The following FARP2 variants were observed in gnomAD, a reference collection of about 807,000 sequenced individuals.
FARP2 encodes the protein FERM, ARHGEF and pleckstrin domain-containing protein 2.
A neutral mutation model predicts 130.5 loss-of-function variants in FARP2; 111 were observed. That is an observed-to-expected ratio of 0.85 (90% CI 0.73 to 1.00). The LOEUF (loss-of-function observed/expected upper bound fraction) is 1.00, where lower values mean the gene tolerates loss of function less well. Ranked by LOEUF, FARP2 falls within the 50% of genes least tolerant of loss-of-function variation. The pLI is 0.00. For synonymous variants in FARP2, 504 were observed against 516.9 expected, an observed-to-expected ratio of 0.98 and a Z score of 0.34; for missense variants, 1,385 against 1,346.3, an observed-to-expected ratio of 1.03 and a Z score of -0.45.
At chr2:241,422,147 A>C (rs2062824173) in intron 8 of FARP2, among the ~76,000 whole-genome samples, 1 of 149,332 alleles carries the variant, frequency 6.7e-6, no homozygotes, top group Non-Finnish European at 1.5e-5. Context: ...TGTCTCAAAA[A>C]ACAAACACCT....
intron 21 of FARP2, chr2:241,488,617 G>A (rs1317117289): frequency 6.6e-6 from 1 of 151,966 alleles, no homozygotes; most frequent in Non-Finnish European, 1.5e-5. Flanking sequence ...AGCCAGGATG[G>A]TCTCGATCTC....
intron 12 of FARP2, among the ~76,000 whole-genome samples, chr2:241,439,598 G>T (rs1030102676): frequency 6.6e-6 from 1 of 152,042 alleles, no homozygotes; most frequent in African/African-American, 2.4e-5. Context: ...CAAAGTGCTG[G>T]GATTACAGGC....
chr2:241,453,846 C>T (rs528290184), intron 13 of FARP2, among the ~76,000 whole-genome samples: 44 of 118,948 alleles, frequency 3.7e-4, no homozygotes, highest in Non-Finnish European at 5.4e-4. Flanking sequence ...TGCAGTGGTG[C>T]AATCGTGGCT....
intron 4 of FARP2, among the ~76,000 whole-genome samples, chr2:241,406,078 C>T (rs1156888533): frequency 1.3e-5 from 2 of 151,962 alleles, no homozygotes; most frequent in Admixed American, 6.5e-5. Context: ...CCAAGGTGGG[C>T]AGATCACAAG....
At chr2:241,493,598 T>G (rs1574925877) in intron 26 of FARP2, 154 bp downstream of exon 26, 3 of 119,962 alleles carry the variant, frequency 2.5e-5, no homozygotes, top group African/African-American at 9.9e-5. Context: ...CAATGCTTTG[T>G]TTTTTTTTTT....
intron 13 of FARP2, 186 bp downstream of exon 13, chr2:241,441,742 C>T (rs756511548): frequency 3.3e-5 from 29 of 885,902 alleles, no homozygotes; most frequent in South Asian, 3.2e-4. Context: ...CCGGTGTGAC[C>T]GGCAGTGTCG....
At chr2:241,493,956 A>G in intron 26 of FARP2, 52 bp from the exon 27 acceptor site, 3 of 1,146,704 alleles carry the variant, frequency 2.6e-6, no homozygotes, top group East Asian at 2.8e-5. Context: ...TTCTTGGGAC[A>G]GTGTCTGAGC....
Position 241,404,789 on chromosome 2 carries a change from T to C in FARP2, c.289-10T>C, listed in dbSNP as rs2062288029. ...AATAGATTGGATTTCTTCTGTTAAC[T>C]CTTCTTTAGATTTGGCTTGAACCTA... On this transcript the variant is annotated splice_polypyrimidine_tract_variant and intron_variant, in intron 3 of 26. Transcript: ENST00000264042. 2.5e-6 allele frequency: 4 copies of C among 1,596,766 alleles called. No homozygotes were observed. In the East Asian group the frequency reaches 8.9e-5, roughly 36 times the overall value.
chr2:241,393,806 T>C (rs934001643), intron 2 of FARP2, among the ~76,000 whole-genome samples: 8 of 152,208 alleles, frequency 5.3e-5, no homozygotes, highest in African/African-American at 1.9e-4. Flanking sequence ...TAAATGTAAG[T>C]TTTTAACAAT....
chr2:241,397,996 A>T (rs559992105), intron 2 of FARP2, among the ~76,000 whole-genome samples: 1 of 150,110 alleles, frequency 6.7e-6, no homozygotes, highest in African/African-American at 2.5e-5. Flanking sequence ...TGCCCGGCTA[A>T]TTTTTTTTGC....
intron 1 of FARP2, among the ~76,000 whole-genome samples, chr2:241,372,339 C>T (rs1227300488): frequency 6.6e-6 from 1 of 152,074 alleles, no homozygotes; most frequent in Non-Finnish European, 1.5e-5. Flanking sequence ...GGCATGTGGT[C>T]CTTGTTACCC....
chr2:241,457,146 G>T (rs967342335), intron 14 of FARP2, among the ~76,000 whole-genome samples: 1 of 152,158 alleles, frequency 6.6e-6, no homozygotes, highest in Non-Finnish European at 1.5e-5. Context: ...AGGTTCCTTC[G>T]TACAAAAACG....
intron 8 of FARP2, among the ~76,000 whole-genome samples, chr2:241,420,983 T>C (rs2062791104): frequency 6.6e-6 from 1 of 152,164 alleles, no homozygotes; most frequent in African/African-American, 2.4e-5. Context: ...TTCAGGTTCT[T>C]GCACTGAAAC....
In FARP2 at chr2:241,402,691, G is replaced by C. The variant is rs1574744265; in HGVS notation, c.184-1137G>C. Among the ~76,000 whole-genome samples the C allele has an allele frequency of 2.7e-5, 4 of 150,006 alleles. No homozygotes were observed. In the South Asian group the frequency reaches 8.4e-4, roughly 32 times the overall value. On this transcript the variant is annotated intron_variant, in intron 2 of 26. Transcript: ENST00000264042. Reference sequence around the variant, plus strand: ...TTTTCTTCTTCTGTTTTTTGAAACAGGGTCTTACTCTGTCACCCAAGGTGG... The same window carrying C: ...TTTTCTTCTTCTGTTTTTTGAAACACGGTCTTACTCTGTCACCCAAGGTGG...
intron 2 of FARP2, among the ~76,000 whole-genome samples, chr2:241,377,237 T>C (rs1217087308): frequency 1.3e-5 from 2 of 152,096 alleles, no homozygotes; most frequent in African/African-American, 2.4e-5. Flanking sequence ...AACACTGACA[T>C]TGTGTGGTGC....
At chr2:241,414,767 C>T (rs1016222957) in intron 7 of FARP2, among the ~76,000 whole-genome samples, 18 of 152,184 alleles carry the variant, frequency 1.2e-4, no homozygotes, top group Admixed American at 1.3e-4. Context: ...GGGAGCATAG[C>T]TCATACGCTG....
chr2:241,402,424 AAG>A (rs2062193281), intron 2 of FARP2, among the ~76,000 whole-genome samples: 1 of 152,174 alleles, frequency 6.6e-6, no homozygotes, highest in African/African-American at 2.4e-5. Context: ...TTCATCTAAT[AAG>A]AGCAAAATAA....
chr2:241,394,490 C>G (rs1307562379), intron 2 of FARP2, among the ~76,000 whole-genome samples: 5 of 150,574 alleles, frequency 3.3e-5, no homozygotes, highest in African/African-American at 7.3e-5. Context: ...TGCACTCCAG[C>G]CTGGGTGACA....
In FARP2 at chr2:241,398,751, T is replaced by C. The variant is rs529402998; in HGVS notation, c.184-5077T>C. On this transcript the variant is annotated intron_variant, in intron 2 of 26. Transcript: ENST00000264042. ...GCCCGGCTAATTTTTGTATTTTTAA[T>C]AGAGATGGGGTTTCACCATGTTGAT... Among the ~76,000 whole-genome samples, 3 of 152,220 alleles carry C rather than the reference T, an allele frequency of 2.0e-5. No individual in the cohort carries two copies. The South Asian group carries it at 6.2e-4, about 32-fold the overall frequency.
Sources: allele counts gnomAD v4.1 joint callset (sites outside exome capture counted in the v4.1 genomes callset), GRCh38; gene constraint gnomAD v4.1.1; transcripts MANE v1.5; gene names NCBI Gene and HGNC (gene_info 2026-07-23, HGNC 2026-07-21).